Variants in CLASP1 observed in about 807,000 individuals in gnomAD.
The protein encoded by CLASP1 is cytoplasmic linker associated protein 1.
A neutral mutation model predicts 192.3 loss-of-function variants in CLASP1; 38 were observed. That is an observed-to-expected ratio of 0.20 (90% CI 0.15 to 0.26). The LOEUF is 0.26. Among genes scored for constraint, CLASP1 ranks in the 10% least tolerant of loss-of-function variants. The pLI, the probability that CLASP1 is intolerant of heterozygous loss-of-function variation, is 1.00. For synonymous variants in CLASP1, 691 were observed against 712.8 expected (o/e 0.97, Z 0.49); for missense variants, 1,433 against 1,932.5 (o/e 0.74, Z 4.85).
At chr2:121,637,944 T>C (rs2071213338) in intron 1 of CLASP1, among the ~76,000 whole-genome samples, 1 of 149,890 alleles carries the variant, frequency 6.7e-6, no homozygotes, top group Non-Finnish European at 1.5e-5. Context: ...CTGTAAGAGA[T>C]AACTTTAAAA....
chr2:121,405,778 C>T (rs1265690902), intron 25 of CLASP1, among the ~76,000 whole-genome samples: 2 of 152,194 alleles, frequency 1.3e-5, no homozygotes, highest in African/African-American at 4.8e-5. Context: ...CTATTTTTGA[C>T]AGGTCACCAA....
At chr2:121,363,081 C>CTG in intron 37 of CLASP1, 91 bp downstream of exon 38, 1 of 1,513,330 alleles carries the variant, frequency 6.6e-7, no homozygotes, top group Admixed American at 1.9e-5. Flanking sequence ...GGCTCTTAAG[C>CTG]TGTGCACTGA....
intron 7 of CLASP1, among the ~76,000 whole-genome samples, chr2:121,513,263 G>C (rs560251606): frequency 1.3e-5 from 2 of 152,248 alleles, no homozygotes; most frequent in South Asian, 4.1e-4. Flanking sequence ...CCAAGCACTC[G>C]TGTATGCCAA....
At chr2:121,470,612 A>C in intron 8 of CLASP1, 1 of 443,256 alleles carries the variant, frequency 2.3e-6, no homozygotes, top group Non-Finnish European at 4.5e-6. Flanking sequence ...CTAATTCCTC[A>C]CCATTAGAAA....
intron 2 of CLASP1, among the ~76,000 whole-genome samples, chr2:121,553,688 A>G (rs527790407): frequency 1.5e-4 from 23 of 152,184 alleles, no homozygotes; most frequent in Admixed American, 3.3e-4. Flanking sequence ...TGACAGAGCA[A>G]GACTCTGTCT....
intron 1 of CLASP1, among the ~76,000 whole-genome samples, chr2:121,640,655 C>A (rs997245496): frequency 6.6e-6 from 1 of 151,408 alleles, no homozygotes; most frequent in Non-Finnish European, 1.5e-5. Flanking sequence ...GCCCACTGAC[C>A]TTCATGAAGG....
At chr2:121,479,581 C>T (rs1428813557) in intron 8 of CLASP1, among the ~76,000 whole-genome samples, 1 of 152,102 alleles carries the variant, frequency 6.6e-6, no homozygotes, top group Non-Finnish European at 1.5e-5. Flanking sequence ...TAATTTTAAC[C>T]GAAGTTGGAT....
chr2:121,530,440 G>C (rs1238979745), intron 2 of CLASP1, 115 bp from the exon 3 acceptor site: 26 of 684,982 alleles, frequency 3.8e-5, no homozygotes, highest in Non-Finnish European at 5.6e-5. Flanking sequence ...CGAGAGTCCA[G>C]ACGCATGCCG....
chr2:121,598,259 T>C (rs1441986310), intron 2 of CLASP1, among the ~76,000 whole-genome samples: 1 of 152,206 alleles, frequency 6.6e-6, no homozygotes, highest in African/African-American at 2.4e-5. Flanking sequence ...AGATGGCTTC[T>C]ACTACCAAAG....
chr2:121,460,225 G>C, intron 11 of CLASP1, 100 bp from the exon 12 acceptor site: 1 of 944,736 alleles, frequency 1.1e-6, no homozygotes, highest in Non-Finnish European at 1.5e-6. Flanking sequence ...CATTGTTAAA[G>C]TTCAACTGAT....
rs1481035906 is a variant in CLASP1, at chr2:121,388,078, C to T, written c.3124-172G>A. On this transcript the variant is annotated intron_variant, in intron 30 of 39. Transcript: ENST00000263710. ...ATAATACCAATCACAAGCAGTCTGA[C>T]TTCAATCGGGAAAATAAACTCTGGC... 8 of 524,524 alleles carry T rather than the reference C, an allele frequency of 1.5e-5. No individual in the cohort carries two copies. In the Admixed American group the frequency reaches 2.8e-4, roughly 18 times the overall value. 32.5% of individuals were successfully genotyped at this position (524,524 alleles called of 1,614,324 possible).
intron 1 of CLASP1, among the ~76,000 whole-genome samples, chr2:121,622,014 A>G (rs2106118108): frequency 6.6e-6 from 1 of 151,528 alleles, no homozygotes; most frequent in East Asian, 2.0e-4. Context: ...CGCTCAGCTA[A>G]TTTTTGTATT....
chr2:121,347,868 C>T (rs1558809756), intron 38 of CLASP1, among the ~76,000 whole-genome samples: 2 of 152,190 alleles, frequency 1.3e-5, no homozygotes, highest in Non-Finnish European at 2.9e-5. Flanking sequence ...ATGCTAACTC[C>T]TCTCTACCTT....
chr2:121,387,170 C>A, exon 32 of CLASP1: 2 of 1,612,772 alleles, frequency 1.2e-6, no homozygotes, highest in Non-Finnish European at 1.7e-6. Flanking sequence ...GGTCAGGGGG[C>A]TGGTCCTGCT....
rs568616446 is a variant in CLASP1 at position 121,515,955 on chromosome 2, C to T, written c.547-193G>A. 7.9e-5 allele frequency among the ~76,000 whole-genome samples: 12 copies of T among 152,274 alleles called. 1 individual carries two copies. The highest frequency in any genetic ancestry group is 5.2e-4 in the Admixed American group (8 of 15,310). ...TTCACTTTGCTGATACAATGTCAAA[C>T]GGTAGTAAAACTGTGGGACCCCCAT... On this transcript the variant is annotated intron_variant, in intron 6 of 39. Transcript: ENST00000263710.
chr2:121,424,493 A>G (rs2080054929), intron 22 of CLASP1, among the ~76,000 whole-genome samples: 1 of 152,232 alleles, frequency 6.6e-6, no homozygotes, highest in Non-Finnish European at 1.5e-5. Flanking sequence ...AGACTTCTAA[A>G]TTTTATATTT....
At chr2:121,364,308 C>T (rs1248598796) in intron 36 of CLASP1, 1 of 152,444 alleles carries the variant, frequency 6.6e-6, no homozygotes, top group Non-Finnish European at 1.5e-5. Flanking sequence ...CAGCCCCTCC[C>T]CACAGCACTC....
chr2:121,409,142 C>T (rs1296334962), intron 24 of CLASP1: 3 of 1,025,320 alleles, frequency 2.9e-6, no homozygotes, highest in Admixed American at 2.7e-5. Flanking sequence ...AAGTGTACAG[C>T]AAAACATATC....
chr2:121,408,972 T>C lies in CLASP1; in HGVS notation c.2425-1257A>G, dbSNP rs537830584. 9.4e-6 allele frequency: 14 copies of C among 1,485,178 alleles called. No individual in the cohort carries two copies. In the East Asian group the frequency reaches 2.2e-4, roughly 23 times the overall value. 92.0% of individuals were successfully genotyped at this position (1,485,178 alleles called of 1,614,324 possible). On this transcript the variant is annotated intron_variant, in intron 24 of 39. Transcript: ENST00000263710. Reference sequence around the variant, plus strand: ...TTTTCACTAGCTTCTAAAAGAAATATACTTGCAACAGGAGAAATAAAGTTG... The same window carrying C: ...TTTTCACTAGCTTCTAAAAGAAATACACTTGCAACAGGAGAAATAAAGTTG...
Sources: allele counts gnomAD v4.1 joint callset (sites outside exome capture counted in the v4.1 genomes callset), GRCh38; gene constraint gnomAD v4.1.1; transcripts MANE v1.5; gene names NCBI Gene and HGNC (gene_info 2026-07-23, HGNC 2026-07-21).